The following CNTN5 variants were observed in gnomAD, a reference collection of about 807,000 sequenced individuals.
CNTN5 encodes the protein contactin 5.
In CNTN5, 77 loss-of-function variants were observed where a neutral mutation model predicts 129.1. The observed-to-expected ratio is 0.60, with a 90% CI of 0.50 to 0.72. The LOEUF (loss-of-function observed/expected upper bound fraction) is 0.72. Among genes scored for constraint, CNTN5 ranks in the 30% least tolerant of loss-of-function variants. CNTN5 has a pLI of 0.00. For missense variants in CNTN5, 1,478 were observed against 1,328.8 expected, an observed-to-expected ratio of 1.11 and a Z score of -1.75; for synonymous variants, 509 against 465.6, an observed-to-expected ratio of 1.09 and a Z score of -1.20.
chr11:99,515,296 T>C (rs1484941870), intron 2 of CNTN5, among the ~76,000 whole-genome samples: 1 of 152,064 alleles, frequency 6.6e-6, no homozygotes, highest in Non-Finnish European at 1.5e-5. Flanking sequence ...TGATAAAATA[T>C]ATGCAAAATT....
intron 3 of CNTN5, among the ~76,000 whole-genome samples, chr11:99,720,874 A>G (rs1014168610): frequency 6.6e-6 from 1 of 152,216 alleles, no homozygotes; most frequent in African/African-American, 2.4e-5. Context: ...ACCAAAGGGC[A>G]TATCAGAGAA....
chr11:99,661,520 T>C (rs1460442166), intron 3 of CNTN5, among the ~76,000 whole-genome samples: 2 of 152,108 alleles, frequency 1.3e-5, no homozygotes, highest in Non-Finnish European at 2.9e-5. Flanking sequence ...TTAGATTTTC[T>C]TTTAAAGTTA....
chr11:99,996,536 T>G (rs1285719641), intron 8 of CNTN5, among the ~76,000 whole-genome samples: 7 of 152,176 alleles, frequency 4.6e-5, no homozygotes, highest in Non-Finnish European at 7.3e-5. Flanking sequence ...ACTTCCCATC[T>G]CTTTATCATT....
chr11:99,693,636 C>T (rs1320468740), intron 3 of CNTN5, among the ~76,000 whole-genome samples: 1 of 151,876 alleles, frequency 6.6e-6, no homozygotes, highest in South Asian at 2.1e-4. Flanking sequence ...GGAGTCTCTG[C>T]AAACATAATA....
rs147559835 is a variant in CNTN5, at chr11:99,851,856, C to A, written c.577+6594C>A. ...TTCATATAAAACTCAAAAATTACTT[C>A]TCTGGCTTTTTTCATAACTTTTTCT... On this transcript the variant is annotated intron_variant, in intron 6 of 24. Transcript: ENST00000524871. Among the ~76,000 whole-genome samples, 1,002 of 152,258 alleles carry A rather than the reference C, an allele frequency of 6.6e-3. 9 individuals are homozygous for A. The highest frequency in any genetic ancestry group is 0.011 in the Non-Finnish European group (752 of 68,006).
At chr11:99,934,390 A>C (rs1950259725) in intron 7 of CNTN5, among the ~76,000 whole-genome samples, 1 of 152,182 alleles carries the variant, frequency 6.6e-6, no homozygotes, top group Non-Finnish European at 1.5e-5. Flanking sequence ...TTTGAGTTTA[A>C]ATAACAATTG....
intron 6 of CNTN5, among the ~76,000 whole-genome samples, chr11:99,895,703 C>A (rs1208891921): frequency 6.6e-6 from 1 of 152,054 alleles, no homozygotes; most frequent in Non-Finnish European, 1.5e-5. Flanking sequence ...CTGCCATGGA[C>A]TTTTGTAGTT....
At chr11:99,460,274 T>C (rs898287633) in intron 2 of CNTN5, among the ~76,000 whole-genome samples, 23 of 151,388 alleles carry the variant, frequency 1.5e-4, no homozygotes, top group Non-Finnish European at 2.8e-4. Context: ...AGAAATTATT[T>C]AAGAAATATT....
chr11:99,785,755 G>A (rs188506464), intron 3 of CNTN5, among the ~76,000 whole-genome samples: 7 of 151,938 alleles, frequency 4.6e-5, no homozygotes, highest in African/African-American at 1.4e-4. Context: ...GACAGAAACC[G>A]CCTGATTTTC....
intron 3 of CNTN5, among the ~76,000 whole-genome samples, chr11:99,640,698 G>C (rs1020288648): frequency 6.6e-6 from 1 of 152,158 alleles, no homozygotes; most frequent in Non-Finnish European, 1.5e-5. Context: ...CAGGTCTTTA[G>C]CCTAGAAGCA....
intron 1 of CNTN5, among the ~76,000 whole-genome samples, chr11:99,185,368 T>A (rs1858289457): frequency 6.6e-6 from 1 of 151,972 alleles, no homozygotes; most frequent in African/African-American, 2.4e-5. Flanking sequence ...AAAATTAAAC[T>A]TGTAAATGAT....
chr11:99,562,847 A>G (rs959925151), intron 3 of CNTN5, among the ~76,000 whole-genome samples: 1 of 152,154 alleles, frequency 6.6e-6, no homozygotes, highest in Non-Finnish European at 1.5e-5. Flanking sequence ...TGAGCTCAAC[A>G]ATGTACATGT....
At chr11:99,104,138 ACGTGG>A in intron 1 of CNTN5, among the ~76,000 whole-genome samples, 1 of 152,304 alleles carries the variant, frequency 6.6e-6, no homozygotes, top group East Asian at 1.9e-4. Flanking sequence ...ATGGAGGTAG[ACGTGG>A]GATTAAATGT....
intron 6 of CNTN5, among the ~76,000 whole-genome samples, chr11:99,889,231 G>A (rs1351024756): frequency 7.3e-5 from 11 of 151,702 alleles, no homozygotes. Context: ...CCTAAAATAA[G>A]AAAGACTGGA....
intron 2 of CNTN5, among the ~76,000 whole-genome samples, chr11:99,462,731 A>T (rs1944761864): frequency 6.6e-6 from 1 of 152,056 alleles, no homozygotes; most frequent in Non-Finnish European, 1.5e-5. Flanking sequence ...CTGCTACCTC[A>T]TTGGTGAATT....
intron 1 of CNTN5, among the ~76,000 whole-genome samples, chr11:99,033,192 C>G (rs1863493900): frequency 3.3e-5 from 5 of 150,618 alleles, no homozygotes; most frequent in African/African-American, 1.2e-4. Context: ...AGTTTGAAGT[C>G]AGGTAGTGTG....
intron 1 of CNTN5, among the ~76,000 whole-genome samples, chr11:99,248,903 C>T (rs1027663721): frequency 1.3e-5 from 2 of 152,112 alleles, no homozygotes; most frequent in African/African-American, 2.4e-5. Context: ...TAGCGTGATG[C>T]CTCCAGCTTT....
At chr11:99,941,747 G>A (rs1206213857) in intron 7 of CNTN5, among the ~76,000 whole-genome samples, 1 of 151,986 alleles carries the variant, frequency 6.6e-6, no homozygotes, top group Non-Finnish European at 1.5e-5. Context: ...GCGTGTTTGA[G>A]GTTAAGGTAA....
At chr11:99,612,493 C>T (rs1236182013) in intron 3 of CNTN5, among the ~76,000 whole-genome samples, 1 of 152,140 alleles carries the variant, frequency 6.6e-6, no homozygotes, top group Non-Finnish European at 1.5e-5. Flanking sequence ...ATTGAATTCC[C>T]TTCCTAGTAT....
Sources: allele counts gnomAD v4.1 joint callset (sites outside exome capture counted in the v4.1 genomes callset), GRCh38; gene constraint gnomAD v4.1.1; transcripts MANE v1.5; gene names NCBI Gene and HGNC (gene_info 2026-07-23, HGNC 2026-07-21).